The following ZC3H7A variants were observed in gnomAD, a reference collection of about 807,000 sequenced individuals.
The protein encoded by ZC3H7A is zinc finger CCCH domain-containing protein 7A.
ZC3H7A carries 44 observed loss-of-function variants against 125.5 expected under a neutral mutation model. The observed-to-expected ratio is 0.35, with a 90% CI of 0.28 to 0.45. ZC3H7A has a LOEUF of 0.45. Among genes scored for constraint, ZC3H7A ranks in the 20% least tolerant of loss-of-function variants. The pLI, the probability that ZC3H7A is intolerant of heterozygous loss-of-function variation, is 1.00. For synonymous variants in ZC3H7A, 399 were observed against 391.2 expected, an observed-to-expected ratio of 1.02 and a Z score of -0.23; for missense variants, 977 against 1,170.7, an observed-to-expected ratio of 0.83 and a Z score of 2.41.
At chr16:11,792,188 G>A (rs990599623) in intron 1 of ZC3H7A, among the ~76,000 whole-genome samples, 3 of 152,150 alleles carry the variant, frequency 2.0e-5, no homozygotes, top group Admixed American at 6.5e-5. Context: ...GATTACAGGC[G>A]TGACCTGTGT....
intron 19 of ZC3H7A, among the ~76,000 whole-genome samples, chr16:11,760,142 A>AAAAG (rs2052727640): frequency 1.3e-5 from 2 of 150,998 alleles, no homozygotes; most frequent in Non-Finnish European, 1.5e-5. Context: ...AAAAAAAAAA[A>AAAAG]AAAGAAAAAA....
chr16:11,762,667 A>C lies in ZC3H7A; in HGVS notation c.2079+4T>G. 1.2e-6 allele frequency: 2 copies of C among 1,613,688 alleles called. No homozygotes were observed. The highest frequency in any genetic ancestry group is 1.7e-6 in the Non-Finnish European group (2 of 1,179,718). ...AATGCAGAAAGTACACAAGAGAAAAATACCTGCGCTCCAGGTACATTTGCT... is the reference window on the plus strand; with the variant it reads ...AATGCAGAAAGTACACAAGAGAAAACTACCTGCGCTCCAGGTACATTTGCT... On this transcript the variant is annotated splice_donor_region_variant and intron_variant, in intron 17 of 22. Transcript: ENST00000355758.
chr16:11,773,860 G>T (rs2053031517), intron 9 of ZC3H7A, among the ~76,000 whole-genome samples: 1 of 151,930 alleles, frequency 6.6e-6, no homozygotes, highest in African/African-American at 2.4e-5. Flanking sequence ...TCCAGCCTGG[G>T]CAACAGAGCA....
chr16:11,767,285 G>A (rs1181766350), intron 13 of ZC3H7A, 132 bp downstream of exon 13: 4 of 742,682 alleles, frequency 5.4e-6, no homozygotes, highest in South Asian at 4.7e-5. Context: ...CTACACCATC[G>A]AGGTTTGTGT....
At chr16:11,769,457 C>T (rs2052930939) in intron 10 of ZC3H7A, among the ~76,000 whole-genome samples, 1 of 151,832 alleles carries the variant, frequency 6.6e-6, no homozygotes, top group Non-Finnish European at 1.5e-5. Flanking sequence ...CTGGCAATCC[C>T]AGTACTTTAG....
At position 11,781,600 on chromosome 16, in the gene ZC3H7A, T is replaced by C. The variant is rs111477495; in HGVS notation, c.69-136A>G. 8.0e-4 allele frequency: 532 copies of C among 667,914 alleles called. 2 individuals carry two copies. In the African/African-American group the frequency reaches 8.5e-3, roughly 11 times the overall value. 41.4% of individuals were successfully genotyped at this position (667,914 alleles called of 1,614,324 possible). ...ATATTTCAAAGACTTCCTCCTCCTT[T>C]ACTACCATTATTCACAGATGACTAC... On this transcript the variant is annotated intron_variant, in intron 2 of 22. Coordinates refer to ENST00000355758, the MANE Select transcript of ZC3H7A (RefSeq NM_014153.4).
At chr16:11,756,182 G>A in intron 21 of ZC3H7A, 55 bp downstream of exon 21, 1 of 1,569,024 alleles carries the variant, frequency 6.4e-7, no homozygotes, top group Non-Finnish European at 8.6e-7. Context: ...AAAGGGAAAA[G>A]AAAGGCTCCA....
intron 1 of ZC3H7A, among the ~76,000 whole-genome samples, chr16:11,795,773 TA>T (rs1567400319): frequency 6.6e-6 from 1 of 152,018 alleles, no homozygotes; most frequent in South Asian, 2.1e-4. Context: ...ATAGCCACAC[TA>T]AAAAAAGAGA....
chr16:11,791,830 T>C (rs1402451414), intron 1 of ZC3H7A, among the ~76,000 whole-genome samples: 1 of 152,202 alleles, frequency 6.6e-6, no homozygotes, highest in Non-Finnish European at 1.5e-5. Flanking sequence ...CCATAAGGGA[T>C]TCCTCAAGAT....
intron 21 of ZC3H7A, chr16:11,753,842 G>A (rs2052591037): frequency 6.6e-6 from 1 of 152,136 alleles, no homozygotes; most frequent in Admixed American, 6.6e-5. Context: ...TGGAGAAGGG[G>A]TTTCACCAAG....
chr16:11,767,472 T>G lies in ZC3H7A; in HGVS notation c.1467A>C (p.Lys489Asn). ...IKNVEDKSWK[K>N]IRPRPTKTNY... ...TTGTTTTTGTTGGTCTTGGACGTAT[T>G]TTTTTCCATGATTTATCTTCAACAT... Residue 489 changes from lysine (K) to asparagine (N), a missense_variant, in exon 13 of 23, where the codon AAA becomes AAC. Lys to Asn is a moderately conservative substitution (Grantham distance 94). Around this residue, in one of 3 missense-constraint regions of ZC3H7A, gnomAD observed 436 missense variants for 603.2 expected, o/e 0.72. Transcript: ENST00000355758. 1.2e-6 allele frequency: 2 copies of G among 1,611,934 alleles called. No homozygotes were observed. Among genetic ancestry groups the G allele is most frequent in the Non-Finnish European group, 1.7e-6 (2 of 1,178,566 alleles).
At chr16:11,779,102 T>C in intron 4 of ZC3H7A, 64 bp downstream of exon 4, 4 of 1,285,136 alleles carry the variant, frequency 3.1e-6, no homozygotes, top group Non-Finnish European at 3.3e-6. Context: ...TTTTTATTAA[T>C]GTACTAAGTC....
rs115009127 is a variant in ZC3H7A, at chr16:11,788,528, C to T, written c.-34-6140G>A. Among the ~76,000 whole-genome samples, 532 of 152,284 alleles carry T rather than the reference C, an allele frequency of 3.5e-3. 2 individuals are homozygous for T. Among genetic ancestry groups the T allele is most frequent in the African/African-American group, 0.012 (484 of 41,560 alleles). On this transcript the variant is annotated intron_variant, in intron 1 of 22. Coordinates refer to ENST00000355758, the MANE Select transcript of ZC3H7A (RefSeq NM_014153.4). ...TCACTTAGCCACCCATTTGCCCTTC[C>T]GCCCGTTTGCCCTCCTGGAGGGCCA...
intron 21 of ZC3H7A, among the ~76,000 whole-genome samples, chr16:11,755,070 G>C (rs973485608): frequency 2.0e-5 from 3 of 151,258 alleles, no homozygotes; most frequent in African/African-American, 4.9e-5. Context: ...TTAGCCGGGC[G>C]TGGTGGCAGG....
At chr16:11,789,945 G>A (rs758761642) in intron 1 of ZC3H7A, among the ~76,000 whole-genome samples, 1 of 151,804 alleles carries the variant, frequency 6.6e-6, no homozygotes, top group African/African-American at 2.4e-5. Flanking sequence ...ACCGGGTGTG[G>A]AGGCATACAC....
intron 21 of ZC3H7A, among the ~76,000 whole-genome samples, chr16:11,754,744 T>G (rs1218763759): frequency 6.6e-6 from 1 of 150,760 alleles, no homozygotes; most frequent in Non-Finnish European, 1.5e-5. Flanking sequence ...ATACAAAAAT[T>G]AGCCGTGCGT....
At chr16:11,770,186 T>C (rs895033540) in intron 10 of ZC3H7A, among the ~76,000 whole-genome samples, 7 of 152,178 alleles carry the variant, frequency 4.6e-5, no homozygotes, top group Admixed American at 1.3e-4. Context: ...GTCAATTATG[T>C]AAGATTTTTG....
At chr16:11,754,481 C>G (rs1398223005) in intron 21 of ZC3H7A, among the ~76,000 whole-genome samples, 2 of 151,744 alleles carry the variant, frequency 1.3e-5, no homozygotes, top group Admixed American at 1.3e-4. Context: ...GGCAATGAAA[C>G]TGGATCTGAC....
At chr16:11,784,297 C>T (rs2053220093) in intron 1 of ZC3H7A, among the ~76,000 whole-genome samples, 1 of 151,846 alleles carries the variant, frequency 6.6e-6, no homozygotes, top group African/African-American at 2.4e-5. Context: ...GACATGTTGG[C>T]CCATGTCCTT....
Sources: allele counts gnomAD v4.1 joint callset (sites outside exome capture counted in the v4.1 genomes callset), GRCh38; gene constraint gnomAD v4.1.1; regional missense constraint gnomAD v4.1.1; transcripts MANE v1.5; gene names NCBI Gene and HGNC (gene_info 2026-07-23, HGNC 2026-07-21).